Variants in RGS7 observed in about 807,000 individuals in gnomAD.
RGS7 encodes regulator of G protein signaling 7, also known as regulator of G-protein signaling 7.
RGS7 carries 27 observed loss-of-function variants against 81.1 expected under a neutral mutation model. That is an observed-to-expected ratio of 0.33 (90% CI 0.25 to 0.46). The LOEUF (loss-of-function observed/expected upper bound fraction) is 0.46. RGS7 is among the 20% of genes least tolerant of loss of function. The pLI is 1.00. For synonymous variants in RGS7, 208 were observed against 207.7 expected, an observed-to-expected ratio of 1.00 and a Z score of -0.01; for missense variants, 396 against 607.4, an observed-to-expected ratio of 0.65 and a Z score of 3.66.
At chr1:241,242,820 G>T (rs2076328994) in intron 2 of RGS7, among the ~76,000 whole-genome samples, 1 of 152,020 alleles carries the variant, frequency 6.6e-6, no homozygotes, top group Admixed American at 6.6e-5. Flanking sequence ...TTCACTTTTT[G>T]ATGAGATTGT....
chr1:240,882,951 C>T (rs1044788211), intron 6 of RGS7, among the ~76,000 whole-genome samples: 4 of 152,128 alleles, frequency 2.6e-5, no homozygotes, highest in African/African-American at 7.2e-5. Context: ...TCCATGTGCT[C>T]TCATTGTTCA....
At chr1:240,985,745 G>A (rs1444846913) in intron 3 of RGS7, among the ~76,000 whole-genome samples, 1 of 151,928 alleles carries the variant, frequency 6.6e-6, no homozygotes, top group African/African-American at 2.4e-5. Context: ...CCATCTGTAA[G>A]AGTAAGACCT....
intron 12 of RGS7, among the ~76,000 whole-genome samples, chr1:240,814,401 A>G (rs747791626): frequency 1.3e-5 from 2 of 152,262 alleles, no homozygotes; most frequent in Non-Finnish European, 2.9e-5. Flanking sequence ...TCATCAATAA[A>G]TGGAAAGTTT....
chr1:241,058,690 C>T lies in RGS7; in HGVS notation c.175+39976G>A, dbSNP rs138908915. On this transcript the variant is annotated intron_variant, in intron 3 of 18. Coordinates refer to ENST00000440928, the MANE Select transcript of RGS7 (RefSeq NM_001364886.1). ...GCTGGAAACTACTTAAGTGTAAAGACGATGTTCATCTTTGAATAACCTGAG... is the reference window on the plus strand; with the variant it reads ...GCTGGAAACTACTTAAGTGTAAAGATGATGTTCATCTTTGAATAACCTGAG... Among the ~76,000 whole-genome samples, 171 of 152,276 alleles carry T rather than the reference C, an allele frequency of 1.1e-3. 1 individual carries two copies. Among genetic ancestry groups the T allele is most frequent in the African/African-American group, 3.7e-3 (155 of 41,548 alleles).
At chr1:241,272,764 T>C (rs948388646) in intron 2 of RGS7, among the ~76,000 whole-genome samples, 2 of 152,198 alleles carry the variant, frequency 1.3e-5, no homozygotes, top group Non-Finnish European at 2.9e-5. Flanking sequence ...CCTCTCTATT[T>C]TGCAAATTGG....
chr1:240,945,709 G>T (rs1414360664), intron 4 of RGS7, among the ~76,000 whole-genome samples: 1 of 152,140 alleles, frequency 6.6e-6, no homozygotes, highest in East Asian at 1.9e-4. Context: ...TCTGTATTTT[G>T]CAGAAACAAA....
At chr1:240,907,272 G>C (rs1047086795) in intron 6 of RGS7, among the ~76,000 whole-genome samples, 1 of 151,774 alleles carries the variant, frequency 6.6e-6, no homozygotes, top group Non-Finnish European at 1.5e-5. Flanking sequence ...TTGTTCAGGA[G>C]AATAAAATAG....
At chr1:241,089,021 ATCTC>A (rs1158514403) in intron 3 of RGS7, among the ~76,000 whole-genome samples, 414 of 23,590 alleles carry the variant, frequency 0.018, 14 homozygotes, top group Admixed American at 0.029. Flanking sequence ...GCAAGACTCC[ATCTC>A]TCTCTCTCTC....
At chr1:241,224,484 T>A (rs2075201565) in intron 2 of RGS7, among the ~76,000 whole-genome samples, 1 of 152,094 alleles carries the variant, frequency 6.6e-6, no homozygotes, top group Non-Finnish European at 1.5e-5. Context: ...ATTTTCTTTA[T>A]CCAGTCTATT....
In RGS7 at chr1:241,030,373, T is replaced by TATATATATATACACACAC. The variant is rs374223475; in HGVS notation, c.176-47245_176-47244insGTGTGTGTATATATATAT. On this transcript the variant is annotated intron_variant, in intron 3 of 18. Coordinates refer to ENST00000440928, the MANE Select transcript of RGS7 (RefSeq NM_001364886.1). ...CCAGAACTTATAGCATATATATATA[T>TATATATATATACACACAC]ACATACACACATACATACACACACA... Among the ~76,000 whole-genome samples, 6 of 135,238 alleles carry TATATATATATACACACAC rather than the reference T, an allele frequency of 4.4e-5. 1 individual carries two copies. The highest frequency in any genetic ancestry group is 1.7e-4 in the African/African-American group (6 of 35,336). 88.7% of individuals were successfully genotyped at this position (135,238 alleles called of 152,430 possible).
chr1:241,125,325 A>G (rs2066575682), intron 2 of RGS7, among the ~76,000 whole-genome samples: 1 of 152,182 alleles, frequency 6.6e-6, no homozygotes, highest in Non-Finnish European at 1.5e-5. Context: ...TAAGGGGATA[A>G]CAATGAGAGG....
chr1:240,787,501 C>T (rs1294169774), intron 18 of RGS7, among the ~76,000 whole-genome samples: 1 of 151,736 alleles, frequency 6.6e-6, no homozygotes, highest in East Asian at 1.9e-4. Context: ...CATAACTAAA[C>T]AAACAATGAC....
chr1:240,985,470 A>T (rs1053247193), intron 3 of RGS7, among the ~76,000 whole-genome samples: 3 of 152,198 alleles, frequency 2.0e-5, no homozygotes, highest in Non-Finnish European at 4.4e-5. Flanking sequence ...AAGAAATACA[A>T]AGAAGCCTAA....
rs1193659968 is a variant in RGS7, at chr1:241,163,776, T to A, written c.79-65014A>T. On this transcript the variant is annotated intron_variant, in intron 2 of 18. Coordinates refer to ENST00000440928, the MANE Select transcript of RGS7 (RefSeq NM_001364886.1). The surrounding 1 kb of genome is among the most constrained non-coding windows in gnomAD (Gnocchi z 4.6). The stretch of plus-strand genomic sequence containing the variant: ...ACTCTGCAGTTTTCCCCCATGCACA[T>A]GTTATCTATGAACAGAAGGACAAGT... Among the ~76,000 whole-genome samples, 2 of 152,110 alleles carry A rather than the reference T, an allele frequency of 1.3e-5. No homozygotes were observed. Among genetic ancestry groups the A allele is most frequent in the Non-Finnish European group, 2.9e-5 (2 of 68,028 alleles).
chr1:241,204,876 T>C (rs1222430969), intron 2 of RGS7, among the ~76,000 whole-genome samples: 1 of 152,154 alleles, frequency 6.6e-6, no homozygotes, highest in Admixed American at 6.5e-5. Flanking sequence ...TACTTTGGAC[T>C]AATTCATATT....
intron 3 of RGS7, among the ~76,000 whole-genome samples, chr1:240,996,482 G>C (rs1687298110): frequency 6.6e-6 from 1 of 152,096 alleles, no homozygotes; most frequent in Admixed American, 6.5e-5. Context: ...AATCTCTCTT[G>C]TTAGATACAT....
chr1:240,924,029 C>T (rs150436707), intron 6 of RGS7, among the ~76,000 whole-genome samples: 146 of 152,202 alleles, frequency 9.6e-4, no homozygotes, highest in African/African-American at 3.3e-3. Context: ...TGTATTTGAT[C>T]TCTTTAGTTG....
intron 6 of RGS7, among the ~76,000 whole-genome samples, chr1:240,870,991 A>G (rs1664392579): frequency 6.6e-6 from 1 of 152,178 alleles, no homozygotes; most frequent in East Asian, 1.9e-4. Flanking sequence ...CTGGGCTACC[A>G]TGGAAAGTCC....
At position 241,111,420 on chromosome 1, in the gene RGS7, A is replaced by G. The variant is rs182759489; in HGVS notation, c.79-12658T>C. ...CTTTTCGTGAGCAACAGACCCAGTCATTCTCATAGTTCTGTATGGAGCACA... is the reference window on the plus strand; with the variant it reads ...CTTTTCGTGAGCAACAGACCCAGTCGTTCTCATAGTTCTGTATGGAGCACA... On this transcript the variant is annotated intron_variant, in intron 2 of 18. Coordinates refer to ENST00000440928, the MANE Select transcript of RGS7 (RefSeq NM_001364886.1). 4.5e-3 allele frequency among the ~76,000 whole-genome samples: 692 copies of G among 152,280 alleles called. 11 individuals carry two copies. The highest frequency in any genetic ancestry group is 0.015 in the African/African-American group (620 of 41,564).
Sources: gnomAD v4.1 joint callset for allele counts (sites outside exome capture counted in the v4.1 genomes callset) on GRCh38, gnomAD v4.1.1 for gene constraint, Gnocchi (gnomAD v3.1) non-coding constraint, MANE v1.5 for transcripts, NCBI Gene and HGNC (gene_info 2026-07-23, HGNC 2026-07-21) for gene names.